The following CNTNAP4 variants were observed in gnomAD, a reference collection of about 807,000 sequenced individuals.
CNTNAP4 encodes the protein contactin-associated protein-like 4.
A neutral mutation model predicts 148.4 loss-of-function variants in CNTNAP4; 98 were observed. That is an observed-to-expected ratio of 0.66 (90% confidence interval 0.56 to 0.78). The LOEUF (loss-of-function observed/expected upper bound fraction) is 0.78, where lower values mean the gene tolerates loss of function less well. Among genes scored for constraint, CNTNAP4 ranks in the 30% least tolerant of loss-of-function variants. The pLI is 0.00. For missense variants in CNTNAP4, 1,935 were observed against 1,565.6 expected, an observed-to-expected ratio of 1.24 and a Z score of -3.98; for synonymous variants, 730 against 565.1, an observed-to-expected ratio of 1.29 and a Z score of -4.14.
In CNTNAP4 at chr16:76,521,196, A is replaced by G. The variant is rs2144101226; in HGVS notation, c.2422A>G (p.Thr808Ala). ...DTEASYLHFPTFHGELSADVS... is the reference protein window; with the variant it reads ...DTEASYLHFPAFHGELSADVS... Reference sequence around the variant, plus strand: ...CGAGGCTTCATATCTTCATTTTCCTACCTTCCACGGAGAACTTAGCGCGGA... The same window carrying G: ...CGAGGCTTCATATCTTCATTTTCCTGCCTTCCACGGAGAACTTAGCGCGGA... The change falls in exon 16 of 24, where the codon ACC becomes GCC. Residue 808 changes from threonine (T) to alanine (A), a missense_variant. Coordinates refer to ENST00000611870, the MANE Select transcript of CNTNAP4 (RefSeq NM_033401.5). 2 of 1,610,628 alleles carry G rather than the reference A, an allele frequency of 1.2e-6. No homozygotes were observed. The highest frequency in any genetic ancestry group is 1.7e-6 in the Non-Finnish European group (2 of 1,179,076).
At chr16:76,417,303 TC>T (rs892927915) in intron 3 of CNTNAP4, among the ~76,000 whole-genome samples, 1 of 151,494 alleles carries the variant, frequency 6.6e-6, no homozygotes, top group Non-Finnish European at 1.5e-5. Flanking sequence ...AAGTTCCTTA[TC>T]TGATTTTAAT....
intron 2 of CNTNAP4, among the ~76,000 whole-genome samples, chr16:76,352,198 C>A (rs955287450): frequency 6.6e-6 from 1 of 152,092 alleles, no homozygotes; most frequent in Non-Finnish European, 1.5e-5. Context: ...TAAGAGAATT[C>A]AAGATGCTTG....
intron 21 of CNTNAP4, among the ~76,000 whole-genome samples, chr16:76,548,150 C>G (rs530992266): frequency 9.9e-5 from 15 of 152,276 alleles, no homozygotes; most frequent in African/African-American, 2.9e-4. Flanking sequence ...GATAAACTGC[C>G]TCTTTATCCA....
At chr16:76,358,466 T>C (rs757485804) in intron 3 of CNTNAP4, among the ~76,000 whole-genome samples, 1 of 152,194 alleles carries the variant, frequency 6.6e-6, no homozygotes, top group Non-Finnish European at 1.5e-5. Context: ...GGACAGAATA[T>C]GGAGATCATT....
At chr16:76,324,832 CAT>C (rs1962797637) in intron 2 of CNTNAP4, among the ~76,000 whole-genome samples, 1 of 152,086 alleles carries the variant, frequency 6.6e-6, no homozygotes, top group Non-Finnish European at 1.5e-5. Context: ...AAGCATTAAT[CAT>C]ATCATGAGTG....
chr16:76,422,310 TAGG>T (rs1248035280), intron 3 of CNTNAP4, among the ~76,000 whole-genome samples: 2 of 152,088 alleles, frequency 1.3e-5, no homozygotes, highest in Non-Finnish European at 2.9e-5. Context: ...CTGTGTCTAT[TAGG>T]AGGTTACTAT....
rs1568496634 is a variant in CNTNAP4 at position 76,522,681 on chromosome 16, TCTCTC to T, written c.2755+427_2755+431del. 3.4e-3 allele frequency among the ~76,000 whole-genome samples: 288 copies of T among 85,284 alleles called. 14 individuals carry two copies. The highest frequency in any genetic ancestry group is 6.8e-3 in the African/African-American group (147 of 21,474). The allele number at this position is 85,284 out of a possible 152,430, so 55.9% of individuals were successfully genotyped here. ...TTCTCTCTTTCCTTCTTTCTCTCTT[TCTCTC>T]CTTTCTTTTCTTTTCTTTTCTTTTC... On this transcript the variant is annotated intron_variant, in intron 17 of 23. Coordinates refer to ENST00000611870, the MANE Select transcript of CNTNAP4 (RefSeq NM_033401.5).
At chr16:76,504,454 A>T (rs760125546) in intron 15 of CNTNAP4, among the ~76,000 whole-genome samples, 6 of 152,184 alleles carry the variant, frequency 3.9e-5, no homozygotes, top group Non-Finnish European at 8.8e-5. Context: ...CAAAGCAGAT[A>T]CAAAAATTAA....
chr16:76,460,409 A>G (rs1410766183), intron 8 of CNTNAP4, among the ~76,000 whole-genome samples: 2 of 151,430 alleles, frequency 1.3e-5, no homozygotes, highest in Non-Finnish European at 1.5e-5. Flanking sequence ...ACACCTGGCC[A>G]AAAACTACTA....
chr16:76,540,762 C>A lies in CNTNAP4; in HGVS notation c.3414C>A (p.Val1138=). ...HLSSGTEFSA[V]KSLVLGRILE... ...CATCAGGCACAGAATTCAGTGCAGTCAAATCTCTGGTATTGGGCAGGATTT... is the reference window on the plus strand; with the variant it reads ...CATCAGGCACAGAATTCAGTGCAGTAAAATCTCTGGTATTGGGCAGGATTT... Residue 1138 remains valine (V), a synonymous_variant, in exon 21 of 24, where the codon GTC becomes GTA. Transcript: ENST00000611870. 1 of 1,575,068 alleles carries A rather than the reference C, an allele frequency of 6.3e-7. No individual in the cohort carries two copies. The highest frequency in any genetic ancestry group is 1.2e-5 in the South Asian group (1 of 85,536).
intron 2 of CNTNAP4, among the ~76,000 whole-genome samples, chr16:76,353,693 A>G (rs2012167869): frequency 6.6e-6 from 1 of 152,080 alleles, no homozygotes; most frequent in African/African-American, 2.4e-5. Context: ...CTACAGCTCC[A>G]GTTTACCCTT....
At chr16:76,307,677 G>A (rs1037274241) in intron 1 of CNTNAP4, among the ~76,000 whole-genome samples, 2 of 151,682 alleles carry the variant, frequency 1.3e-5, no homozygotes, top group African/African-American at 2.4e-5. Context: ...CTAGATCTCT[G>A]ATGCTCTCTT....
intron 14 of CNTNAP4, among the ~76,000 whole-genome samples, chr16:76,496,319 A>G (rs1372650974): frequency 1.3e-5 from 2 of 152,124 alleles, no homozygotes; most frequent in African/African-American, 4.8e-5. Context: ...TAGCAACAAT[A>G]AAAATTACCT....
chr16:76,324,520 A>T (rs954125420), intron 2 of CNTNAP4, among the ~76,000 whole-genome samples: 1 of 152,144 alleles, frequency 6.6e-6, no homozygotes, highest in Non-Finnish European at 1.5e-5. Flanking sequence ...GGAAGAAGAA[A>T]CCAAATAATT....
chr16:76,320,388 T>A (rs1962279724), intron 2 of CNTNAP4, among the ~76,000 whole-genome samples: 1 of 152,122 alleles, frequency 6.6e-6, no homozygotes, highest in South Asian at 2.1e-4. Context: ...AAAAAGGCAA[T>A]CAGACTTGAT....
At chr16:76,496,766 TG>T (rs1427658872) in intron 14 of CNTNAP4, among the ~76,000 whole-genome samples, 2 of 152,194 alleles carry the variant, frequency 1.3e-5, no homozygotes, top group African/African-American at 4.8e-5. Flanking sequence ...ATATCCAGCA[TG>T]TTATAACATT....
chr16:76,282,982 A>G (rs1958744614), intron 1 of CNTNAP4, among the ~76,000 whole-genome samples: 1 of 151,762 alleles, frequency 6.6e-6, no homozygotes, highest in Admixed American at 6.6e-5. Flanking sequence ...TCAAAAGGCC[A>G]ATTTCCAAAA....
intron 13 of CNTNAP4, among the ~76,000 whole-genome samples, chr16:76,491,689 A>G (rs2082227476): frequency 6.6e-6 from 1 of 152,256 alleles, no homozygotes. Flanking sequence ...GCTGTGGAAC[A>G]AAATGAACTC....
At chr16:76,349,628 C>A (rs750773938) in intron 2 of CNTNAP4, among the ~76,000 whole-genome samples, 12 of 152,052 alleles carry the variant, frequency 7.9e-5, no homozygotes, top group Non-Finnish European at 1.5e-4. Flanking sequence ...TTGGGGAAAT[C>A]TAGATGAAAT....
Sources: gnomAD v4.1 joint callset for allele counts (sites outside exome capture counted in the v4.1 genomes callset) on GRCh38, gnomAD v4.1.1 for gene constraint, MANE v1.5 for transcripts, NCBI Gene and HGNC (gene_info 2026-07-23, HGNC 2026-07-21) for gene names.